Variants in CRAMP1 observed in about 807,000 individuals in gnomAD.
The protein encoded by CRAMP1 is protein cramped-like.
In CRAMP1, 50 loss-of-function variants were observed where a neutral mutation model predicts 115.4. The ratio of observed to expected loss-of-function variants is 0.43; its 90% CI spans 0.35 to 0.55. CRAMP1 has a LOEUF of 0.55. CRAMP1 is among the 20% of genes least tolerant of loss of function. The pLI is 0.01. For synonymous variants in CRAMP1, 866 were observed against 745.4 expected (o/e 1.16, Z -2.64); for missense variants, 1,679 against 1,721.7 (o/e 0.98, Z 0.44).
chr16:1,614,701 G>T lies in CRAMP1; in HGVS notation c.62G>T (p.Arg21Leu). The T allele has an allele frequency of 7.5e-7, 1 of 1,336,206 alleles. No homozygotes were observed. The highest frequency in any genetic ancestry group is 9.7e-7 in the Non-Finnish European group (1 of 1,035,960). 82.8% of individuals were successfully genotyped at this position (1,336,206 alleles called of 1,614,324 possible). A position where few individuals can be genotyped will look rare whatever the true frequency, so the allele number is the denominator to read the frequency against. Reference sequence around the variant, plus strand: ...GACGGGCTCAAGAAGCTGGGCAAGCGGGCGGCCGATGAGGAGTCCCTGGAA... The same window carrying T: ...GACGGGCTCAAGAAGCTGGGCAAGCTGGCGGCCGATGAGGAGTCCCTGGAA... ...GEDGLKKLGK[R>L]AADEESLEGE... The change falls in exon 2 of 21, where the codon CGG becomes CTG. Residue 21 changes from arginine (R) to leucine (L), a missense_variant. By Grantham distance (102) the Arg-to-Leu change is moderately radical. Transcript: ENST00000397412. The surrounding 1 kb of genome is among the most constrained non-coding windows in gnomAD (Gnocchi z 4.4).
At chr16:1,664,706 G>A (rs1008349237) in intron 13 of CRAMP1, among the ~76,000 whole-genome samples, 18 of 151,788 alleles carry the variant, frequency 1.2e-4, no homozygotes, top group Non-Finnish European at 2.5e-4. Flanking sequence ...TTGAACCCAG[G>A]AGGCAGAGGT....
chr16:1,631,357 C>T (rs1289317580), intron 3 of CRAMP1, among the ~76,000 whole-genome samples: 2 of 152,258 alleles, frequency 1.3e-5, no homozygotes, highest in Admixed American at 6.5e-5. Flanking sequence ...GCATCCTCTT[C>T]TCACGTCCCC....
At chr16:1,652,019 T>C (rs1462234711) in intron 6 of CRAMP1, among the ~76,000 whole-genome samples, 2 of 151,036 alleles carry the variant, frequency 1.3e-5, no homozygotes, top group Non-Finnish European at 3.0e-5. Flanking sequence ...TGGATTTAGG[T>C]CACACAGAGG....
chr16:1,617,575 A>G (rs191160603), intron 2 of CRAMP1, among the ~76,000 whole-genome samples: 33 of 152,330 alleles, frequency 2.2e-4, no homozygotes, highest in Admixed American at 1.6e-3. Flanking sequence ...TGTAACTTCT[A>G]TTATGCCTAA....
chr16:1,661,593 ATTT>A (rs1307504814), intron 11 of CRAMP1, among the ~76,000 whole-genome samples: 1 of 127,662 alleles, frequency 7.8e-6, no homozygotes. Flanking sequence ...CTATGAAAGA[ATTT>A]TTTTTTTTTT....
chr16:1,658,881 G>A (rs1037187481), intron 10 of CRAMP1, among the ~76,000 whole-genome samples: 1 of 152,204 alleles, frequency 6.6e-6, no homozygotes, highest in African/African-American at 2.4e-5. Context: ...GGTGGGATGT[G>A]TGGGGTGTTC....
At chr16:1,629,505 T>C (rs2036532067) in intron 3 of CRAMP1, among the ~76,000 whole-genome samples, 1 of 152,226 alleles carries the variant, frequency 6.6e-6, no homozygotes, top group South Asian at 2.1e-4. Context: ...TGGGGCTTGC[T>C]GCCTTGGAGA....
intron 13 of CRAMP1, among the ~76,000 whole-genome samples, chr16:1,663,507 T>C (rs922235568): frequency 1.3e-5 from 2 of 152,234 alleles, no homozygotes; most frequent in Admixed American, 6.5e-5. Context: ...TTGTTCAAAC[T>C]AAGATCAGGG....
chr16:1,641,263 A>G (rs1216731261), intron 6 of CRAMP1, 76 bp downstream of exon 6: 2 of 1,093,880 alleles, frequency 1.8e-6, no homozygotes, highest in African/African-American at 3.1e-5. Context: ...AGAAGCTGAA[A>G]TGCTCTCAGT....
At position 1,620,748 on chromosome 16, in the gene CRAMP1, T is replaced by G. The variant is rs116104683; in HGVS notation, c.347-5225T>G. On this transcript the variant is annotated intron_variant, in intron 2 of 20. Transcript: ENST00000397412. ...CTGAGGGAGGGACTTTGAGGTTGGT[T>G]TCCCCCACCACGACCCTGATCCTCC... 6.3e-3 allele frequency: 2,860 copies of G among 452,820 alleles called. 71 individuals are homozygous for G. Among genetic ancestry groups the G allele is most frequent in the African/African-American group, 0.051 (2,570 of 50,064 alleles). 28.1% of individuals were successfully genotyped at this position (452,820 alleles called of 1,614,324 possible).
intron 4 of CRAMP1, among the ~76,000 whole-genome samples, chr16:1,632,567 G>A (rs1047039611): frequency 4.6e-5 from 7 of 152,270 alleles, no homozygotes; most frequent in African/African-American, 1.4e-4. Flanking sequence ...GAAGTGGCCC[G>A]TATCCCATGC....
At chr16:1,613,233 T>C (rs1181027195) in intron 1 of CRAMP1, among the ~76,000 whole-genome samples, 1 of 151,364 alleles carries the variant, frequency 6.6e-6, no homozygotes. Context: ...GTTTTGTTCT[T>C]TGGCAGAGTT....
At chr16:1,631,182 G>A (rs2142177414) in intron 3 of CRAMP1, among the ~76,000 whole-genome samples, 1 of 152,328 alleles carries the variant, frequency 6.6e-6, no homozygotes, top group South Asian at 2.1e-4. Flanking sequence ...GTGCCAAGAA[G>A]AGCCCTGCGT....
chr16:1,625,968 C>G lies in CRAMP1; in HGVS notation c.347-5C>G, dbSNP rs1160459683. The G allele has an allele frequency of 6.4e-7, 1 of 1,551,524 alleles. No individual in the cohort carries two copies. The highest frequency in any genetic ancestry group is 1.2e-5 in the South Asian group (1 of 84,050). On this transcript the variant is annotated splice_polypyrimidine_tract_variant and splice_region_variant and intron_variant, in intron 2 of 20. Coordinates refer to ENST00000397412, the MANE Select transcript of CRAMP1 (RefSeq NM_020825.4). ...CAGATCACTGTACGGTGCTTTCTCT[C>G]CAAGGAGCTGAAGGTGGTGGATCAT... is the stretch of plus-strand genomic sequence containing the variant.
At chr16:1,665,359 G>A (rs373648184) in intron 14 of CRAMP1, among the ~76,000 whole-genome samples, 1 of 152,226 alleles carries the variant, frequency 6.6e-6, no homozygotes, top group Non-Finnish European at 1.5e-5. Flanking sequence ...GGTGCCCTTC[G>A]TCTGTGGCCT....
At chr16:1,662,263 C>T (rs2036837964) in intron 11 of CRAMP1, among the ~76,000 whole-genome samples, 1 of 152,190 alleles carries the variant, frequency 6.6e-6, no homozygotes, top group African/African-American at 2.4e-5. Flanking sequence ...GTGCTTTTGT[C>T]CTATCCAGGA....
rs528677382 is a variant in CRAMP1 at position 1,616,436 on chromosome 16, T to C, written c.346+1451T>C. 3.5e-4 allele frequency among the ~76,000 whole-genome samples: 53 copies of C among 152,350 alleles called. 1 individual carries two copies. The highest frequency in any genetic ancestry group is 1.2e-3 in the African/African-American group (49 of 41,580). ...CTGTGAGGCAAGGAATGAGAGCAGC[T>C]ACTTCACCCCGTTGAAGTGCGGCTG... On this transcript the variant is annotated intron_variant, in intron 2 of 20. Coordinates refer to ENST00000397412, the MANE Select transcript of CRAMP1 (RefSeq NM_020825.4).
At chr16:1,617,148 A>G (rs1048949960) in intron 2 of CRAMP1, among the ~76,000 whole-genome samples, 6 of 152,284 alleles carry the variant, frequency 3.9e-5, no homozygotes, top group African/African-American at 1.4e-4. Flanking sequence ...CTTTAAGCAA[A>G]TAATAAGCTA....
intron 5 of CRAMP1, among the ~76,000 whole-genome samples, chr16:1,640,626 G>A (rs2036623924): frequency 6.6e-6 from 1 of 152,220 alleles, no homozygotes; most frequent in Non-Finnish European, 1.5e-5. Flanking sequence ...AGGAAATGGG[G>A]CGTCTGCTCC....
Sources: allele counts gnomAD v4.1 joint callset (sites outside exome capture counted in the v4.1 genomes callset), GRCh38; gene constraint gnomAD v4.1.1; non-coding constraint Gnocchi (gnomAD v3.1); transcripts MANE v1.5; gene names NCBI Gene and HGNC (gene_info 2026-07-23, HGNC 2026-07-21).